CTTNBP2: variants seen among roughly 807,000 people sequenced by gnomAD.
CTTNBP2 encodes cortactin binding protein 2.
CTTNBP2 carries 108 observed loss-of-function variants against 156.9 expected under a neutral mutation model. The observed-to-expected ratio is 0.69, with a 90% CI of 0.59 to 0.81. The LOEUF is 0.81. Ranked by LOEUF, CTTNBP2 falls within the 30% of genes least tolerant of loss-of-function variation. The pLI is 0.00. For synonymous variants in CTTNBP2, 767 were observed against 751.8 expected (o/e 1.02, Z -0.33); for missense variants, 1,924 against 2,035.4 (o/e 0.95, Z 1.05).
intron 2 of CTTNBP2, 142 bp from the exon 3 acceptor site, chr7:117,811,131 G>A: frequency 1.5e-6 from 1 of 647,430 alleles, no homozygotes; most frequent in South Asian, 2.0e-5. Context: ...TGGTGAGTGA[G>A]AGGCAAATGT....
intron 16 of CTTNBP2, among the ~76,000 whole-genome samples, chr7:117,732,937 A>C (rs1032600230): frequency 6.6e-6 from 1 of 152,006 alleles, no homozygotes. Context: ...TCATTATATA[A>C]CTCTTTTATA....
chr7:117,732,855 A>G (rs1795479770), intron 16 of CTTNBP2, among the ~76,000 whole-genome samples: 1 of 152,098 alleles, frequency 6.6e-6, no homozygotes, highest in Non-Finnish European at 1.5e-5. Context: ...CAGCTCTATT[A>G]AATTGATATC....
intron 8 of CTTNBP2, among the ~76,000 whole-genome samples, chr7:117,771,840 T>A (rs1478855135): frequency 6.6e-6 from 1 of 152,168 alleles, no homozygotes; most frequent in African/African-American, 2.4e-5. Context: ...TGGAGAGGTA[T>A]CCTGGGAACA....
In CTTNBP2 at chr7:117,809,559, G is replaced by A. The variant is rs34876220; in HGVS notation, c.414+1206C>T. ...TAGTGGTTGTCTGCAGGGCTTTGTA[G>A]AGTCCAGAGTAAAATTCTGATTTTG... is the stretch of plus-strand genomic sequence containing the variant. On this transcript the variant is annotated intron_variant, in intron 3 of 22. Transcript: ENST00000160373. 7.8e-4 allele frequency among the ~76,000 whole-genome samples: 119 copies of A among 152,274 alleles called. 5 individuals carry two copies. The highest frequency in any genetic ancestry group is 2.8e-3 in the African/African-American group (115 of 41,558).
chr7:117,842,474 A>C (rs1389469360), intron 2 of CTTNBP2, among the ~76,000 whole-genome samples: 3 of 152,140 alleles, frequency 2.0e-5, no homozygotes, highest in African/African-American at 7.2e-5. Flanking sequence ...AAGTGCTGGG[A>C]TTACAGGCAT....
rs142485659 is a variant in CTTNBP2 at position 117,848,612 on chromosome 7, T to C, written c.189+12597A>G. On this transcript the variant is annotated intron_variant, in intron 2 of 22. Transcript: ENST00000160373. ...CTACCTTATAAACAACAACACATCA[T>C]GTGTAACTCAAGCTGCTCCTATTTT... Among the ~76,000 whole-genome samples, 223 of 152,342 alleles carry C rather than the reference T, an allele frequency of 1.5e-3. 2 individuals are homozygous for C. The highest frequency in any genetic ancestry group is 4.7e-3 in the African/African-American group (195 of 41,576).
rs749123993 is a variant in CTTNBP2 at position 117,724,609 on chromosome 7, G to C, written c.4385C>G (p.Pro1462Arg). 6.2e-7 allele frequency: 1 copy of C among 1,613,978 alleles called. No individual in the cohort carries two copies. Among genetic ancestry groups the C allele is most frequent in the Admixed American group, 1.7e-5 (1 of 60,000 alleles). Reference protein sequence around the residue: ...SGAWRKVNTSPRRKSGRFSLP... With the variant: ...SGAWRKVNTSRRRKSGRFSLP... ...AGAGAAGCGGCCAGACTTCCTGCGA[G>C]GACTGGTGTTCACCTTTCTCCAGGC... is the stretch of plus-strand genomic sequence containing the variant. The change falls in exon 19 of 23, where the codon CCT becomes CGT. Residue 1462 changes from proline to arginine, a missense_variant. Transcript: ENST00000160373.
intron 21 of CTTNBP2, among the ~76,000 whole-genome samples, chr7:117,718,723 T>A (rs897504439): frequency 6.6e-6 from 1 of 152,232 alleles, no homozygotes; most frequent in Admixed American, 6.5e-5. Flanking sequence ...GAGATTATGA[T>A]GATATGCATT....
intron 2 of CTTNBP2, among the ~76,000 whole-genome samples, chr7:117,832,843 T>C (rs1801698385): frequency 6.7e-6 from 1 of 148,442 alleles, no homozygotes; most frequent in Admixed American, 6.9e-5. Flanking sequence ...GCCTCCTGGG[T>C]TCAAGCAATT....
At chr7:117,788,996 T>C (rs1472706963) in intron 4 of CTTNBP2, among the ~76,000 whole-genome samples, 1 of 152,152 alleles carries the variant, frequency 6.6e-6, no homozygotes, top group Non-Finnish European at 1.5e-5. Flanking sequence ...TTTTTTGGTT[T>C]CTGGTCTATA....
chr7:117,793,888 C>T (rs1417235306), intron 3 of CTTNBP2, among the ~76,000 whole-genome samples: 1 of 152,204 alleles, frequency 6.6e-6, no homozygotes, highest in Non-Finnish European at 1.5e-5. Flanking sequence ...TTCTTCCAGA[C>T]TTCTGCTCAG....
chr7:117,718,057 T>TGAAAGTACAGGGTTGTTTCCAGAA lies in CTTNBP2; in HGVS notation c.4683_4706dup (p.Ser1562_Ser1569dup). ...GCATTCTCAGATTATTAATAGTTGC[T>TGAAAGTACAGGGTTGTTTCCAGAA]GAAAGTACAGGGTTGTTTCCAGAAC... On this transcript the variant is annotated inframe_insertion, in exon 22 of 23. Transcript: ENST00000160373. The TGAAAGTACAGGGTTGTTTCCAGAA allele has an allele frequency of 6.8e-6, 11 of 1,613,188 alleles. No homozygotes were observed. The highest frequency in any genetic ancestry group is 9.3e-6 in the Non-Finnish European group (11 of 1,179,208).
Position 117,711,364 on chromosome 7 carries a change from C to A in CTTNBP2, c.*173G>T. ...CCTACAGAATTAAAAAAAAAAGCAA[C>A]AAAATGTTGGTTATAAATACATTCT... On this transcript the variant is annotated 3_prime_UTR_variant, in exon 23 of 23. Transcript: ENST00000160373. The A allele has an allele frequency of 1.9e-5, 12 of 641,744 alleles. No homozygotes were observed. The highest frequency in any genetic ancestry group is 3.2e-5 in the East Asian group (1 of 31,200). The allele number at this position is 641,744 out of a possible 1,614,324, so 39.8% of individuals were successfully genotyped here.
At position 117,711,408 on chromosome 7, in the gene CTTNBP2, T is replaced by C; in HGVS notation, c.*129A>G. On this transcript the variant is annotated 3_prime_UTR_variant, in exon 23 of 23. Transcript: ENST00000160373. ...ACATTCTTTACAAAAAAAAATTGAATAGTGGTCCCGCACTCATAATTTATA... is the reference window on the plus strand; with the variant it reads ...ACATTCTTTACAAAAAAAAATTGAACAGTGGTCCCGCACTCATAATTTATA... 1.0e-6 allele frequency: 1 copy of C among 977,582 alleles called. No homozygotes were observed. Among genetic ancestry groups the C allele is most frequent in the Non-Finnish European group, 1.4e-6 (1 of 697,450 alleles). The allele number at this position is 977,582 out of a possible 1,614,324, so 60.6% of individuals were successfully genotyped here.
At chr7:117,736,721 C>A (rs527444801) in intron 14 of CTTNBP2, among the ~76,000 whole-genome samples, 1 of 152,278 alleles carries the variant, frequency 6.6e-6, no homozygotes, top group African/African-American at 2.4e-5. Context: ...CAGTACCTGG[C>A]ATCTACTAAG....
In CTTNBP2 at chr7:117,772,168, C is replaced by G. The variant is rs73716254; in HGVS notation, c.2779-4992G>C. On this transcript the variant is annotated intron_variant, in intron 8 of 22. Coordinates refer to ENST00000160373, the MANE Select transcript of CTTNBP2 (RefSeq NM_033427.3). ...TCACCATGTTCACCTGTTAGAAAGG[C>G]CCCTCACATGGCAATGTAAAGGGAA... 6.4e-3 allele frequency among the ~76,000 whole-genome samples: 970 copies of G among 152,248 alleles called. 10 individuals are homozygous for G. Among genetic ancestry groups the G allele is most frequent in the African/African-American group, 0.023 (935 of 41,544 alleles).
At chr7:117,771,415 T>G (rs1440683681) in intron 8 of CTTNBP2, among the ~76,000 whole-genome samples, 1 of 152,204 alleles carries the variant, frequency 6.6e-6, no homozygotes, top group African/African-American at 2.4e-5. Flanking sequence ...AGATGGAAGC[T>G]GTTAACGTGG....
intron 8 of CTTNBP2, among the ~76,000 whole-genome samples, chr7:117,774,387 C>T (rs1338807333): frequency 2.4e-4 from 37 of 152,050 alleles, no homozygotes; most frequent in Admixed American, 2.2e-3. Context: ...GTCCCTGAAC[C>T]CCCGGGGTTC....
rs550919727 is a variant in CTTNBP2 at position 117,825,460 on chromosome 7, A to G, written c.190-14471T>C. On this transcript the variant is annotated intron_variant, in intron 2 of 22. Coordinates refer to ENST00000160373, the MANE Select transcript of CTTNBP2 (RefSeq NM_033427.3). ...TTGGCCTCTCCAAATACAAGAGGGT[A>G]GGCATTGGCTAGCTCTTTTCCAGAG... Among the ~76,000 whole-genome samples, 41 of 152,344 alleles carry G rather than the reference A, an allele frequency of 2.7e-4. 1 individual carries two copies. The highest frequency in any genetic ancestry group is 9.6e-4 in the African/African-American group (40 of 41,584).
Sources: gnomAD v4.1 joint callset for allele counts (sites outside exome capture counted in the v4.1 genomes callset) on GRCh38, gnomAD v4.1.1 for gene constraint, MANE v1.5 for transcripts, NCBI Gene and HGNC (gene_info 2026-07-23, HGNC 2026-07-21) for gene names.